LRMDA: variants seen among roughly 807,000 people sequenced by gnomAD.
The protein encoded by LRMDA is leucine-rich melanocyte differentiation-associated protein.
LRMDA carries 18 observed loss-of-function variants against 29.8 expected under a neutral mutation model. That is an observed-to-expected ratio of 0.60 (90% CI 0.42 to 0.90). The LOEUF (loss-of-function observed/expected upper bound fraction) is 0.90, where lower values mean the gene tolerates loss of function less well. Ranked by LOEUF, LRMDA falls within the 40% of genes least tolerant of loss-of-function variation. The pLI is 0.00. For missense variants in LRMDA, 273 were observed against 273.9 expected (o/e 1.00, Z 0.02); for synonymous variants, 125 against 109.4 (o/e 1.14, Z -0.89).
chr10:76,069,424 G>A (rs558102203), intron 5 of LRMDA, among the ~76,000 whole-genome samples: 27 of 152,186 alleles, frequency 1.8e-4, no homozygotes, highest in African/African-American at 5.8e-4. Flanking sequence ...TAAGTTCAAC[G>A]CCATTGTCAG....
intron 5 of LRMDA, among the ~76,000 whole-genome samples, chr10:76,179,789 AAGAACCAACTGTCC>A (rs1399175757): frequency 6.6e-6 from 1 of 152,188 alleles, no homozygotes; most frequent in Non-Finnish European, 1.5e-5. Flanking sequence ...ACTGCCTTGG[AAGAACCAACTGTCC>A]CTCAAAAAAG....
intron 2 of LRMDA, among the ~76,000 whole-genome samples, chr10:75,971,389 T>C (rs1846967879): frequency 1.3e-5 from 2 of 152,204 alleles, no homozygotes; most frequent in Admixed American, 1.3e-4. Context: ...AATGAATGGC[T>C]AATGGACTCA....
At chr10:75,965,537 T>C (rs141129867) in intron 2 of LRMDA, among the ~76,000 whole-genome samples, 239 of 152,260 alleles carry the variant, frequency 1.6e-3, no homozygotes, top group African/African-American at 5.4e-3. Flanking sequence ...CCCAATTCCA[T>C]GAGTGGGCTC....
chr10:75,842,777 C>T (rs1377219914), intron 2 of LRMDA, among the ~76,000 whole-genome samples: 5 of 151,856 alleles, frequency 3.3e-5, no homozygotes, highest in African/African-American at 1.2e-4. Context: ...CCTATAATGC[C>T]AGCACTTTGG....
chr10:75,637,420 G>A (rs1228470996), intron 2 of LRMDA, among the ~76,000 whole-genome samples: 1 of 152,194 alleles, frequency 6.6e-6, no homozygotes, highest in Non-Finnish European at 1.5e-5. Context: ...GGAGGAGGCG[G>A]AGGAAGAGGA....
intron 5 of LRMDA, among the ~76,000 whole-genome samples, chr10:76,151,089 G>T (rs1483719007): frequency 1.3e-5 from 2 of 152,096 alleles, no homozygotes; most frequent in African/African-American, 4.8e-5. Context: ...GCACAGGCAG[G>T]GGTGGCAGCT....
intron 6 of LRMDA, among the ~76,000 whole-genome samples, chr10:76,532,638 G>A (rs1415358784): frequency 6.6e-6 from 1 of 152,154 alleles, no homozygotes; most frequent in East Asian, 1.9e-4. Flanking sequence ...ATTCTGCCAA[G>A]GGGAAATCAG....
intron 2 of LRMDA, among the ~76,000 whole-genome samples, chr10:75,857,088 C>G (rs1844840664): frequency 6.6e-6 from 1 of 152,192 alleles, no homozygotes; most frequent in African/African-American, 2.4e-5. Context: ...TGACCTCTGG[C>G]AAGTTAGCTT....
chr10:75,641,772 A>G (rs532830610), intron 2 of LRMDA, among the ~76,000 whole-genome samples: 3 of 152,232 alleles, frequency 2.0e-5, no homozygotes, highest in African/African-American at 7.2e-5. Flanking sequence ...GATTTCATTT[A>G]AATAAATCTA....
At chr10:76,001,181 C>G (rs775551903) in intron 2 of LRMDA, among the ~76,000 whole-genome samples, 4 of 152,154 alleles carry the variant, frequency 2.6e-5, no homozygotes, top group African/African-American at 4.8e-5. Context: ...TTATGGCTTC[C>G]GGTTCCCCTG....
chr10:76,239,484 C>T (rs371090046), intron 5 of LRMDA, among the ~76,000 whole-genome samples: 65 of 152,274 alleles, frequency 4.3e-4, no homozygotes, highest in African/African-American at 1.4e-3. Flanking sequence ...ACAGCCCATA[C>T]CTTTTATTGC....
At chr10:75,646,599 GTT>G (rs1241582393) in intron 2 of LRMDA, among the ~76,000 whole-genome samples, 1 of 152,192 alleles carries the variant, frequency 6.6e-6, no homozygotes, top group Admixed American at 6.5e-5. Flanking sequence ...ACCTTGTTAA[GTT>G]TTGATTAATG....
intron 6 of LRMDA, among the ~76,000 whole-genome samples, chr10:76,387,692 G>GT (rs140814173): frequency 0.029 from 4,366 of 151,976 alleles, 59 homozygotes; most frequent in African/African-American, 0.045. Context: ...AATTTTTTAA[G>GT]TGAAAGCAAG....
Position 76,047,383 on chromosome 10 carries a change from A to G in LRMDA, c.398+80A>G, listed in dbSNP as rs138823816. 3.4e-4 allele frequency: 473 copies of G among 1,381,538 alleles called. No individual in the cohort carries two copies. The African/African-American group carries it at 6.3e-3, about 18-fold the overall frequency. 85.6% of individuals were successfully genotyped at this position (1,381,538 alleles called of 1,614,324 possible). A position where few individuals can be genotyped will look rare whatever the true frequency, so the allele number is the denominator to read the frequency against. ...GGGATGATATTATACTCTGGGGTGC[A>G]TAGTAGATGTTTGGTACATATCAGT... is the stretch of plus-strand genomic sequence containing the variant. On this transcript the variant is annotated intron_variant, in intron 4 of 6. Transcript: ENST00000611255.
At chr10:76,276,057 T>TC (rs1840130122) in intron 5 of LRMDA, among the ~76,000 whole-genome samples, 7 of 135,624 alleles carry the variant, frequency 5.2e-5, no homozygotes, top group African/African-American at 1.7e-4. Flanking sequence ...ATCTATCTCT[T>TC]TCTTTCTCTC....
intron 6 of LRMDA, among the ~76,000 whole-genome samples, chr10:76,408,116 G>A (rs1160941012): frequency 6.6e-6 from 1 of 152,152 alleles, no homozygotes; most frequent in Non-Finnish European, 1.5e-5. Flanking sequence ...CCCAAAGAAA[G>A]GAAAATGCAG....
At chr10:76,151,934 A>T (rs1163428912) in intron 5 of LRMDA, among the ~76,000 whole-genome samples, 1 of 152,204 alleles carries the variant, frequency 6.6e-6, no homozygotes, top group African/African-American at 2.4e-5. Flanking sequence ...GTAGTAATGG[A>T]ATTATATCCC....
chr10:76,502,757 T>C (rs1842923563), intron 6 of LRMDA, among the ~76,000 whole-genome samples: 1 of 151,746 alleles, frequency 6.6e-6, no homozygotes, highest in Admixed American at 6.6e-5. Context: ...TTTCTTTTTT[T>C]TTTGCTAAAG....
At chr10:75,630,152 T>C (rs932094147) in intron 2 of LRMDA, among the ~76,000 whole-genome samples, 4 of 152,132 alleles carry the variant, frequency 2.6e-5, no homozygotes, top group Non-Finnish European at 4.4e-5. Context: ...TCTCGTGGAG[T>C]TGGCAGACCC....
Sources: gnomAD v4.1 joint callset for allele counts (sites outside exome capture counted in the v4.1 genomes callset) on GRCh38, gnomAD v4.1.1 for gene constraint, MANE v1.5 for transcripts, NCBI Gene and HGNC (gene_info 2026-07-23, HGNC 2026-07-21) for gene names.